Variants in ERCC6L2 observed in about 807,000 individuals in gnomAD.
ERCC6L2 encodes DNA excision repair protein ERCC-6-like 2.
In ERCC6L2, 77 loss-of-function variants were observed where a neutral mutation model predicts 132.0. That is an observed-to-expected ratio of 0.58 (90% confidence interval 0.49 to 0.71). The LOEUF is 0.71. ERCC6L2 is among the 30% of genes least tolerant of loss of function. The pLI, the probability that ERCC6L2 is intolerant of heterozygous loss-of-function variation, is 0.00. For synonymous variants in ERCC6L2, 583 were observed against 632.4 expected (o/e 0.92, Z 1.17); for missense variants, 1,542 against 1,837.6 (o/e 0.84, Z 2.94).
chr9:95,889,906 C>T (rs995259839), intron 2 of ERCC6L2, among the ~76,000 whole-genome samples: 4 of 152,098 alleles, frequency 2.6e-5, no homozygotes, highest in African/African-American at 9.7e-5. Context: ...TTAAATTGTC[C>T]AATGCCTAAA....
intron 2 of ERCC6L2, among the ~76,000 whole-genome samples, chr9:95,881,821 A>G (rs886762447): frequency 1.3e-5 from 2 of 152,218 alleles, no homozygotes; most frequent in African/African-American, 4.8e-5. Context: ...TACTTTCCTA[A>G]AGAGGGGATT....
chr9:95,896,946 T>C lies in ERCC6L2; in HGVS notation c.472-903T>C, dbSNP rs192928511. On this transcript the variant is annotated intron_variant, in intron 2 of 18. Coordinates refer to ENST00000653738, the MANE Select transcript of ERCC6L2 (RefSeq NM_020207.7). Reference sequence around the variant, plus strand: ...TATTTCTTCAGATACTTCTGTATCATTTCTTTTCTTCTATCATTTGGGATT... The same window carrying C: ...TATTTCTTCAGATACTTCTGTATCACTTCTTTTCTTCTATCATTTGGGATT... 9.5e-3 allele frequency among the ~76,000 whole-genome samples: 1,444 copies of C among 152,278 alleles called. 10 individuals are homozygous for C. The highest frequency in any genetic ancestry group is 0.013 in the Admixed American group (199 of 15,302).
chr9:96,013,233 C>G lies in ERCC6L2; in HGVS notation c.*30C>G. On this transcript the variant is annotated 3_prime_UTR_variant, in exon 19 of 19. Transcript: ENST00000653738. ...ATAAATGAATTACTGCACCAGTAAA[C>G]TGCTGCCATCACTGTTTACGGCACT... 1 of 1,322,614 alleles carries G rather than the reference C, an allele frequency of 7.6e-7. No homozygotes were observed. The highest frequency in any genetic ancestry group is 1.0e-6 in the Non-Finnish European group (1 of 1,002,500). The allele number at this position is 1,322,614 out of a possible 1,614,324, so 81.9% of individuals were successfully genotyped here. A position where few individuals can be genotyped will look rare whatever the true frequency, so the allele number is the denominator to read the frequency against.
At chr9:95,904,138 G>C (rs550732325) in intron 3 of ERCC6L2, among the ~76,000 whole-genome samples, 1 of 151,868 alleles carries the variant, frequency 6.6e-6, no homozygotes, top group African/African-American at 2.4e-5. Context: ...AGGTTGTGGC[G>C]ATAAATACAA....
intron 12 of ERCC6L2, among the ~76,000 whole-genome samples, chr9:95,953,619 A>C (rs1342003483): frequency 6.6e-6 from 1 of 151,962 alleles, no homozygotes; most frequent in African/African-American, 2.4e-5. Flanking sequence ...CAATATTTAA[A>C]TTCTGGTGCT....
intron 12 of ERCC6L2, among the ~76,000 whole-genome samples, chr9:95,948,197 A>G (rs1831154049): frequency 6.6e-6 from 1 of 152,232 alleles, no homozygotes; most frequent in South Asian, 2.1e-4. Context: ...AAGAGGTCAA[A>G]ATATCAAACA....
intron 4 of ERCC6L2, among the ~76,000 whole-genome samples, chr9:95,912,778 G>C (rs1234513344): frequency 6.6e-6 from 1 of 152,070 alleles, no homozygotes; most frequent in Non-Finnish European, 1.5e-5. Context: ...TTTTTGAGAG[G>C]ACCAGGCCAG....
intron 11 of ERCC6L2, among the ~76,000 whole-genome samples, chr9:95,932,340 A>G (rs1830379823): frequency 6.6e-6 from 1 of 152,162 alleles, no homozygotes; most frequent in South Asian, 2.1e-4. Context: ...CTGGGATTAT[A>G]GGTGTGAGCC....
At chr9:95,950,650 A>AT (rs1197589031) in intron 12 of ERCC6L2, among the ~76,000 whole-genome samples, 2 of 152,202 alleles carry the variant, frequency 1.3e-5, no homozygotes, top group African/African-American at 2.4e-5. Flanking sequence ...ATGGAAAAAG[A>AT]TATTTCATGC....
intron 9 of ERCC6L2, among the ~76,000 whole-genome samples, chr9:95,925,303 G>A (rs184583256): frequency 4.6e-5 from 7 of 152,204 alleles, no homozygotes; most frequent in South Asian, 2.1e-4. Flanking sequence ...GAGAAATGCC[G>A]CAGAGCCACT....
Position 95,907,110 on chromosome 9 carries a change from C to T in ERCC6L2, c.627C>T (p.Leu209=). The change falls in exon 4 of 19, where the codon CTC becomes CTT. Residue 209 remains leucine (L), a synonymous_variant. Coordinates refer to ENST00000653738, the MANE Select transcript of ERCC6L2 (RefSeq NM_020207.7). ...MFLIVAPLSV[L]YNWKDELDTW... ...TAATAGTTGCTCCTCTTTCTGTCCTCTACAACTGGAAGGATGAATTGGACA... is the reference window on the plus strand; with the variant it reads ...TAATAGTTGCTCCTCTTTCTGTCCTTTACAACTGGAAGGATGAATTGGACA... 1 of 1,612,400 alleles carries T rather than the reference C, an allele frequency of 6.2e-7. No homozygotes were observed. The highest frequency in any genetic ancestry group is 8.5e-7 in the Non-Finnish European group (1 of 1,179,478).
intron 2 of ERCC6L2, among the ~76,000 whole-genome samples, chr9:95,895,881 C>T (rs943767194): frequency 2.0e-5 from 3 of 152,008 alleles, no homozygotes; most frequent in East Asian, 1.9e-4. Flanking sequence ...TGCCCGCCAC[C>T]GGGCCCGGCT....
chr9:95,882,505 TAA>T (rs1734690092), intron 2 of ERCC6L2, among the ~76,000 whole-genome samples: 1 of 152,208 alleles, frequency 6.6e-6, no homozygotes, highest in African/African-American at 2.4e-5. Context: ...AGTTTGTGAT[TAA>T]GTTATTCTGC....
intron 13 of ERCC6L2, among the ~76,000 whole-genome samples, chr9:95,958,727 C>A (rs966674254): frequency 1.3e-5 from 2 of 152,016 alleles, no homozygotes; most frequent in East Asian, 3.9e-4. Context: ...TTCTCATACA[C>A]CAATAACAGA....
At chr9:95,952,035 G>A (rs1587965418) in intron 12 of ERCC6L2, among the ~76,000 whole-genome samples, 1 of 151,696 alleles carries the variant, frequency 6.6e-6, no homozygotes, top group Non-Finnish European at 1.5e-5. Context: ...GGGCGTGGTG[G>A]CGTGTGCCTG....
chr9:96,031,833 G>C (rs1028172518), intron 19 of ERCC6L2, among the ~76,000 whole-genome samples: 9 of 152,164 alleles, frequency 5.9e-5, no homozygotes, highest in African/African-American at 1.9e-4. Flanking sequence ...CACAGGCCTG[G>C]TCTGGAAGCC....
At chr9:95,971,371 T>G (rs951213163) in intron 15 of ERCC6L2, among the ~76,000 whole-genome samples, 3 of 152,190 alleles carry the variant, frequency 2.0e-5, no homozygotes, top group African/African-American at 7.2e-5. Flanking sequence ...TATATTTAAC[T>G]CTGATTAATG....
At chr9:95,915,521 A>T in intron 4 of ERCC6L2, 147 bp from the exon 5 acceptor site, 1 of 749,994 alleles carries the variant, frequency 1.3e-6, no homozygotes, top group Non-Finnish European at 2.1e-6. Context: ...CCATTTAACT[A>T]AGTGGGTAAG....
At chr9:95,989,817 C>T (rs1213834904) in intron 17 of ERCC6L2, among the ~76,000 whole-genome samples, 6 of 152,048 alleles carry the variant, frequency 3.9e-5, no homozygotes, top group African/African-American at 1.4e-4. Flanking sequence ...AATAAAGCTG[C>T]CAAATGAGAA....
Sources: allele counts gnomAD v4.1 joint callset (sites outside exome capture counted in the v4.1 genomes callset), GRCh38; gene constraint gnomAD v4.1.1; transcripts MANE v1.5; gene names NCBI Gene and HGNC (gene_info 2026-07-23, HGNC 2026-07-21).